CSMD1: variants seen among roughly 807,000 people sequenced by gnomAD.
CSMD1 encodes CUB and sushi domain-containing protein 1.
CSMD1 carries 213 observed loss-of-function variants against 417.5 expected under a neutral mutation model. The observed-to-expected ratio is 0.51, with a 90% CI of 0.46 to 0.57. The LOEUF is 0.57. CSMD1 is among the 20% of genes least tolerant of loss of function. CSMD1 has a pLI of 0.00. For missense variants in CSMD1, 6,923 were observed against 4,529.7 expected, an observed-to-expected ratio of 1.53 and a Z score of -15.17; for synonymous variants, 2,862 against 1,736.8, an observed-to-expected ratio of 1.65 and a Z score of -16.11.
intron 10 of CSMD1, among the ~76,000 whole-genome samples, chr8:3,512,940 T>C (rs182286857): frequency 2.7e-3 from 414 of 152,152 alleles, no homozygotes; most frequent in African/African-American, 9.0e-3. Flanking sequence ...TGTATAACCA[T>C]AGAGAGCCAC....
rs964966260 is a variant in CSMD1 at position 3,909,824 on chromosome 8, G to T, written c.818+88079C>A. Among the ~76,000 whole-genome samples, 6 of 150,164 alleles carry T rather than the reference G, an allele frequency of 4.0e-5. No homozygotes were observed. In the South Asian group the frequency reaches 6.3e-4, roughly 16 times the overall value. On this transcript the variant is annotated intron_variant, in intron 5 of 69. Coordinates refer to ENST00000635120, the MANE Select transcript of CSMD1 (RefSeq NM_033225.6). ...CTCATCACAATTTTGCATGGTGATTGTAATAGAAGCACCACGTATGTCCTG... is the reference window on the plus strand; with the variant it reads ...CTCATCACAATTTTGCATGGTGATTTTAATAGAAGCACCACGTATGTCCTG...
intron 51 of CSMD1, 104 bp downstream of exon 51, chr8:3,029,215 C>G (rs982892457): frequency 9.5e-6 from 8 of 846,436 alleles, no homozygotes; most frequent in African/African-American, 1.7e-5. Context: ...ATCTATAGGA[C>G]TATGGTAGAT....
At chr8:4,415,699 TTAAA>T (rs1357333235) in intron 3 of CSMD1, among the ~76,000 whole-genome samples, 16 of 152,196 alleles carry the variant, frequency 1.1e-4, no homozygotes, top group Non-Finnish European at 2.2e-4. Context: ...TGAATGCTGA[TTAAA>T]TAAATGAGAG....
intron 2 of CSMD1, among the ~76,000 whole-genome samples, chr8:4,621,028 G>A (rs1337318579): frequency 6.6e-6 from 1 of 151,958 alleles, no homozygotes. Flanking sequence ...TATCAAAAAT[G>A]AAAAATCCAT....
intron 23 of CSMD1, among the ~76,000 whole-genome samples, chr8:3,315,626 A>ATGGTAAGATACTCCACATTTT (rs549146127): frequency 0.02 from 3,008 of 152,196 alleles, 41 homozygotes; most frequent in East Asian, 0.035. Context: ...GAGCAGCCCC[A>ATGGTAAGATACTCCACATTTT]TGGTAAGATA....
At chr8:4,130,500 T>C (rs189921683) in intron 3 of CSMD1, among the ~76,000 whole-genome samples, 224 of 152,324 alleles carry the variant, frequency 1.5e-3, no homozygotes, top group African/African-American at 5.2e-3. Flanking sequence ...CGAGTTGATT[T>C]GATTCTTGGC....
intron 4 of CSMD1, among the ~76,000 whole-genome samples, chr8:3,998,989 T>C (rs943867658): frequency 1.4e-5 from 2 of 147,356 alleles, no homozygotes; most frequent in Admixed American, 1.4e-4. Flanking sequence ...ATAAACTATA[T>C]GATAGTTTAT....
intron 26 of CSMD1, among the ~76,000 whole-genome samples, chr8:3,255,947 T>G (rs1800618864): frequency 6.6e-6 from 1 of 152,210 alleles, no homozygotes. Context: ...ATCACCCATC[T>G]TCTGCATCGT....
chr8:3,138,295 G>T (rs1818226526), intron 41 of CSMD1, among the ~76,000 whole-genome samples: 1 of 152,094 alleles, frequency 6.6e-6, no homozygotes, highest in African/African-American at 2.4e-5. Context: ...TTCCAGGTTG[G>T]GATGGCAGGG....
At chr8:3,003,680 C>G (rs906174530) in intron 52 of CSMD1, among the ~76,000 whole-genome samples, 5 of 152,134 alleles carry the variant, frequency 3.3e-5, no homozygotes, top group Admixed American at 1.3e-4. Flanking sequence ...CGCAGAGGAG[C>G]AGCTGTCACG....
At chr8:4,414,139 A>C (rs1192655422) in intron 3 of CSMD1, among the ~76,000 whole-genome samples, 2 of 152,290 alleles carry the variant, frequency 1.3e-5, no homozygotes, top group African/African-American at 4.8e-5. Flanking sequence ...ATCAGTGCTG[A>C]CATTCTAAAT....
chr8:3,791,224 C>T (rs1372180409), intron 5 of CSMD1, among the ~76,000 whole-genome samples: 1 of 152,132 alleles, frequency 6.6e-6, no homozygotes, highest in African/African-American at 2.4e-5. Flanking sequence ...ACTTCCACCA[C>T]CAAAATGCTT....
At chr8:4,678,439 A>G (rs541353596) in intron 1 of CSMD1, among the ~76,000 whole-genome samples, 1 of 152,288 alleles carries the variant, frequency 6.6e-6, no homozygotes, top group Admixed American at 6.5e-5. Context: ...TTTGTTAACA[A>G]AACTAAAAAC....
intron 3 of CSMD1, among the ~76,000 whole-genome samples, chr8:4,263,533 T>C (rs1246873459): frequency 6.6e-6 from 1 of 152,182 alleles, no homozygotes; most frequent in African/African-American, 2.4e-5. Context: ...GCACTTGATA[T>C]TAGCTACTTT....
At chr8:4,719,514 AC>A (rs1243236990) in intron 1 of CSMD1, among the ~76,000 whole-genome samples, 1 of 111,824 alleles carries the variant, frequency 8.9e-6, no homozygotes, top group East Asian at 2.4e-4. Flanking sequence ...TTTAGTCCCC[AC>A]CCCCACCTAC....
At chr8:4,697,061 A>T (rs1177490455) in intron 1 of CSMD1, among the ~76,000 whole-genome samples, 1 of 152,054 alleles carries the variant, frequency 6.6e-6, no homozygotes, top group Non-Finnish European at 1.5e-5. Context: ...AATCCCAGCT[A>T]CTCAGGAGGC....
At chr8:3,175,362 T>C (rs1820845135) in intron 37 of CSMD1, among the ~76,000 whole-genome samples, 2 of 152,200 alleles carry the variant, frequency 1.3e-5, no homozygotes, top group South Asian at 2.1e-4. Context: ...TCAGAATATA[T>C]TGTAAATGTG....
rs374956001 is a variant in CSMD1, at chr8:3,187,936, C to G, written c.5553G>C (p.Gln1851His). 2.5e-6 allele frequency: 4 copies of G among 1,613,218 alleles called. No homozygotes were observed. Among genetic ancestry groups the G allele is most frequent in the African/African-American group, 2.7e-5 (2 of 74,784 alleles). ...CGTGGATCTCAAGGGAGTCCCAGTT[C>G]TGCTCCGTGGCAAAACTGATCACTT... is the stretch of plus-strand genomic sequence containing the variant. ...QIQVISFATE[Q>H]NWDSLEIHDG... Residue 1851 changes from glutamine (Q) to histidine (H), a missense_variant, in exon 36 of 70, where the codon CAG becomes CAC. Coordinates refer to ENST00000635120, the MANE Select transcript of CSMD1 (RefSeq NM_033225.6).
chr8:4,324,864 C>T (rs1254537012), intron 3 of CSMD1, among the ~76,000 whole-genome samples: 1 of 152,192 alleles, frequency 6.6e-6, no homozygotes, highest in Non-Finnish European at 1.5e-5. Context: ...CATCCCAGCA[C>T]ACCTCAGGGT....
Sources: allele counts gnomAD v4.1 joint callset (sites outside exome capture counted in the v4.1 genomes callset), GRCh38; gene constraint gnomAD v4.1.1; transcripts MANE v1.5; gene names NCBI Gene and HGNC (gene_info 2026-07-23, HGNC 2026-07-21).